The following GLI2 variants were observed in gnomAD, a reference collection of about 807,000 sequenced individuals.
The protein encoded by GLI2 is transcription activator GLI2.
A neutral mutation model predicts 78.9 loss-of-function variants in GLI2; 22 were observed. That is an observed-to-expected ratio of 0.28 (90% confidence interval 0.20 to 0.40). GLI2 has a LOEUF of 0.40. GLI2 is among the 10% of genes least tolerant of loss of function. The probability of loss-of-function intolerance (pLI) is 1.00; values close to 1 mark genes in which losing one functional copy is unlikely to be tolerated. For synonymous variants in GLI2, 974 were observed against 963.7 expected (o/e 1.01, Z -0.20); for missense variants, 2,097 against 2,213.2 (o/e 0.95, Z 1.05).
At chr2:120,910,950 C>T (rs1036318391) in intron 2 of GLI2, among the ~76,000 whole-genome samples, 78 of 152,340 alleles carry the variant, frequency 5.1e-4, no homozygotes, top group African/African-American at 1.8e-3. Context: ...TTTGTTGGTG[C>T]TCCACCTCCT....
At chr2:120,774,483 C>T (rs1026648533) in intron 1 of GLI2, among the ~76,000 whole-genome samples, 7 of 152,210 alleles carry the variant, frequency 4.6e-5, no homozygotes, top group Non-Finnish European at 7.3e-5. Context: ...CGCTCCCCAT[C>T]CCTGGCAGCC....
At chr2:120,871,940 G>A (rs1688483170) in intron 2 of GLI2, among the ~76,000 whole-genome samples, 1 of 152,210 alleles carries the variant, frequency 6.6e-6, no homozygotes, top group African/African-American at 2.4e-5. Flanking sequence ...GAGAGTTGTG[G>A]CCCTTCCCAG....
At chr2:120,846,898 C>T (rs191810130) in intron 2 of GLI2, among the ~76,000 whole-genome samples, 10 of 152,348 alleles carry the variant, frequency 6.6e-5, no homozygotes, top group East Asian at 1.9e-4. Flanking sequence ...CCTTGCACAG[C>T]GCGGGCACCG....
chr2:120,902,559 T>TG (rs1191511370), intron 2 of GLI2, among the ~76,000 whole-genome samples: 5 of 152,114 alleles, frequency 3.3e-5, no homozygotes, highest in South Asian at 4.1e-4. Flanking sequence ...GGTGTGCTCA[T>TG]GGGGGTGTCA....
At chr2:120,866,061 G>A (rs1282160580) in intron 2 of GLI2, among the ~76,000 whole-genome samples, 4 of 152,238 alleles carry the variant, frequency 2.6e-5, no homozygotes, top group African/African-American at 4.8e-5. Context: ...ATTCGAGGAA[G>A]GCCCATGCAG....
intron 2 of GLI2, among the ~76,000 whole-genome samples, chr2:120,916,198 TA>T (rs1679088493): frequency 6.6e-6 from 1 of 152,164 alleles, no homozygotes; most frequent in African/African-American, 2.4e-5. Flanking sequence ...TATCAGGGCT[TA>T]GTGGGTGCTT....
intron 2 of GLI2, among the ~76,000 whole-genome samples, chr2:120,906,557 C>T (rs1423759982): frequency 6.6e-6 from 1 of 152,122 alleles, no homozygotes; most frequent in Non-Finnish European, 1.5e-5. Context: ...TGGCCGTGTA[C>T]AATCTCGTCC....
intron 3 of GLI2, among the ~76,000 whole-genome samples, chr2:120,938,629 C>G (rs1272180259): frequency 6.6e-6 from 1 of 152,226 alleles, no homozygotes; most frequent in Non-Finnish European, 1.5e-5. Context: ...CTGGCCAGGT[C>G]TGGTGTGGTG....
At chr2:120,802,777 G>C (rs1156871624) in intron 2 of GLI2, among the ~76,000 whole-genome samples, 1 of 152,212 alleles carries the variant, frequency 6.6e-6, no homozygotes, top group Non-Finnish European at 1.5e-5. Flanking sequence ...GACATCCTGG[G>C]ATGTACCTGC....
intron 3 of GLI2, among the ~76,000 whole-genome samples, chr2:120,947,602 CTA>C (rs1680773719): frequency 6.6e-6 from 1 of 152,258 alleles, no homozygotes; most frequent in African/African-American, 2.4e-5. Flanking sequence ...AGCAGACACT[CTA>C]TATTCCAAAT....
chr2:120,912,955 G>A (rs1678904675), intron 2 of GLI2, among the ~76,000 whole-genome samples: 1 of 152,190 alleles, frequency 6.6e-6, no homozygotes, highest in Non-Finnish European at 1.5e-5. Flanking sequence ...AGAATCGCAA[G>A]TAACCCTCCT....
At chr2:120,860,920 ATTG>A (rs1187720946) in intron 2 of GLI2, among the ~76,000 whole-genome samples, 1 of 152,078 alleles carries the variant, frequency 6.6e-6, no homozygotes, top group African/African-American at 2.4e-5. Context: ...TGGCCCAAGG[ATTG>A]TTGTGAAAAT....
chr2:120,819,950 G>C (rs530050281), intron 2 of GLI2, among the ~76,000 whole-genome samples: 1 of 152,088 alleles, frequency 6.6e-6, no homozygotes, highest in Admixed American at 6.5e-5. Flanking sequence ...GGATGAATAC[G>C]GGTTCACTAG....
At chr2:120,824,628 A>C (rs1047877443) in intron 2 of GLI2, among the ~76,000 whole-genome samples, 1 of 152,142 alleles carries the variant, frequency 6.6e-6, no homozygotes, top group Non-Finnish European at 1.5e-5. Context: ...CACCTGTCAA[A>C]CTGACTCTGA....
chr2:120,878,335 A>G (rs1307675309), intron 2 of GLI2, among the ~76,000 whole-genome samples: 4 of 152,250 alleles, frequency 2.6e-5, no homozygotes, highest in African/African-American at 4.8e-5. Context: ...GAGGAAGCCC[A>G]TCTCTTTATA....
At chr2:120,748,019 T>C (rs1193654396) in intron 1 of GLI2, among the ~76,000 whole-genome samples, 1 of 152,210 alleles carries the variant, frequency 6.6e-6, no homozygotes, top group African/African-American at 2.4e-5. Context: ...CCTTGCTAAC[T>C]TGGTTACGGA....
chr2:120,878,271 G>C (rs938411555), intron 2 of GLI2, among the ~76,000 whole-genome samples: 1 of 152,156 alleles, frequency 6.6e-6, no homozygotes, highest in African/African-American at 2.4e-5. Flanking sequence ...TTCTCCTTAC[G>C]ATACCACCGT....
At chr2:120,908,771 C>T (rs1038187260) in intron 2 of GLI2, among the ~76,000 whole-genome samples, 2 of 152,212 alleles carry the variant, frequency 1.3e-5, no homozygotes, top group African/African-American at 4.8e-5. Context: ...TGTGTCACTC[C>T]AGCCTGGAGG....
intron 1 of GLI2, among the ~76,000 whole-genome samples, chr2:120,775,953 C>T (rs1192081562): frequency 6.6e-6 from 1 of 152,274 alleles, no homozygotes; most frequent in Non-Finnish European, 1.5e-5. Flanking sequence ...GACCCCAGGC[C>T]TCCTCTAACG....
Sources: allele counts gnomAD v4.1 joint callset (sites outside exome capture counted in the v4.1 genomes callset), GRCh38; gene constraint gnomAD v4.1.1; transcripts MANE v1.5; gene names NCBI Gene and HGNC (gene_info 2026-07-23, HGNC 2026-07-21).